Variants in MRTFB observed in about 807,000 individuals in gnomAD.
MRTFB encodes the protein myocardin-related transcription factor B.
In MRTFB, 29 loss-of-function variants were observed where a neutral mutation model predicts 104.2. The ratio of observed to expected loss-of-function variants is 0.28; its 90% CI spans 0.21 to 0.38. The LOEUF is 0.38. Among genes scored for constraint, MRTFB ranks in the 10% least tolerant of loss-of-function variants. The pLI, the probability that MRTFB is intolerant of heterozygous loss-of-function variation, is 1.00. For missense variants in MRTFB, 1,270 were observed against 1,341.6 expected, an observed-to-expected ratio of 0.95 and a Z score of 0.83; for synonymous variants, 535 against 519.5, an observed-to-expected ratio of 1.03 and a Z score of -0.41.
At chr16:14,074,476 A>G (rs1209724992) in intron 1 of MRTFB, among the ~76,000 whole-genome samples, 1 of 152,236 alleles carries the variant, frequency 6.6e-6, no homozygotes, top group Non-Finnish European at 1.5e-5. Flanking sequence ...AATGTTAACT[A>G]GAAAATGAAT....
intron 8 of MRTFB, among the ~76,000 whole-genome samples, chr16:14,221,686 G>T (rs2041714324): frequency 6.6e-6 from 1 of 151,642 alleles, no homozygotes; most frequent in Non-Finnish European, 1.5e-5. Context: ...ATAACTCATT[G>T]TAAGAGTTTG....
At chr16:14,245,358 T>C (rs2042967173) in intron 10 of MRTFB, among the ~76,000 whole-genome samples, 170 bp from the exon 11 acceptor site, 1 of 152,226 alleles carries the variant, frequency 6.6e-6, no homozygotes, top group Non-Finnish European at 1.5e-5. Context: ...AAACAAAACC[T>C]GCAGGGATTT....
At chr16:14,101,270 C>T (rs1228943202) in intron 2 of MRTFB, among the ~76,000 whole-genome samples, 1 of 151,724 alleles carries the variant, frequency 6.6e-6, no homozygotes, top group Non-Finnish European at 1.5e-5. Context: ...AGATATATAG[C>T]CTATGTCCTT....
At chr16:14,003,779 A>T in the MRTFB span, among the ~76,000 whole-genome samples, 1 of 152,122 alleles carries the variant, frequency 6.6e-6, no homozygotes, top group Admixed American at 6.5e-5. Flanking sequence ...GTATGCAGGC[A>T]CCAAACACTG....
chr16:14,122,844 T>TGG (rs1455104418), intron 2 of MRTFB, among the ~76,000 whole-genome samples: 54 of 152,224 alleles, frequency 3.5e-4, no homozygotes, highest in Non-Finnish European at 1.2e-4. Context: ...TTTCTAGTTC[T>TGG]AGATCCTTGA....
chr16:14,201,792 A>C (rs559423700), intron 3 of MRTFB, among the ~76,000 whole-genome samples: 1 of 152,302 alleles, frequency 6.6e-6, no homozygotes, highest in Admixed American at 6.5e-5. Flanking sequence ...TAAATGCCTA[A>C]AAGACATTTT....
At chr16:14,081,748 T>G (rs1208114851) in intron 2 of MRTFB, among the ~76,000 whole-genome samples, 1 of 151,876 alleles carries the variant, frequency 6.6e-6, no homozygotes, top group Non-Finnish European at 1.5e-5. Flanking sequence ...CTCTGCCAAA[T>G]TTTTTGTATT....
intron 8 of MRTFB, among the ~76,000 whole-genome samples, chr16:14,230,097 G>A (rs1355285870): frequency 1.3e-5 from 2 of 152,036 alleles, no homozygotes; most frequent in African/African-American, 4.8e-5. Flanking sequence ...AGCTGAAACT[G>A]GATCCCTTCC....
chr16:14,224,967 A>G (rs1048133641), intron 8 of MRTFB, among the ~76,000 whole-genome samples: 1 of 152,146 alleles, frequency 6.6e-6, no homozygotes, highest in Non-Finnish European at 1.5e-5. Flanking sequence ...CGAGCGGATC[A>G]CCTGAGGTCG....
the MRTFB span, among the ~76,000 whole-genome samples, chr16:14,057,961 CA>C: frequency 1.3e-5 from 2 of 152,232 alleles, no homozygotes; most frequent in African/African-American, 4.8e-5. Flanking sequence ...TTCCCAGAGC[CA>C]GGGGTGGGGG....
At chr16:14,250,572 T>C (rs1420464708) in intron 13 of MRTFB, among the ~76,000 whole-genome samples, 2 of 152,120 alleles carry the variant, frequency 1.3e-5, no homozygotes, top group Non-Finnish European at 2.9e-5. Context: ...AACTGGAAAA[T>C]TGAGTGTGAC....
the MRTFB span, among the ~76,000 whole-genome samples, chr16:13,996,741 T>C: frequency 1.4e-3 from 209 of 152,180 alleles, 1 homozygote; most frequent in East Asian, 4.3e-3. Context: ...ATAGGCCTGG[T>C]TGGGTAGGCA....
intron 3 of MRTFB, among the ~76,000 whole-genome samples, chr16:14,199,141 C>A (rs1173758216): frequency 6.6e-6 from 1 of 152,196 alleles, no homozygotes; most frequent in Non-Finnish European, 1.5e-5. Flanking sequence ...AAAGTAGCTC[C>A]TCCAGGGATT....
chr16:14,100,387 A>G (rs2035634703), intron 2 of MRTFB, among the ~76,000 whole-genome samples: 1 of 152,168 alleles, frequency 6.6e-6, no homozygotes, highest in Admixed American at 6.5e-5. Context: ...TAATTCGTTA[A>G]TAGGGTGAAT....
In MRTFB at chr16:14,249,016, A is replaced by C. The variant is rs371223784; in HGVS notation, c.2338A>C (p.Thr780Pro). 1.9e-6 allele frequency: 3 copies of C among 1,614,152 alleles called. No individual in the cohort carries two copies. Among genetic ancestry groups the C allele is most frequent in the South Asian group, 2.2e-5 (2 of 91,078 alleles). The change falls in exon 13 of 17, where the codon ACT (threonine) becomes CCT (proline). Residue 780 changes from threonine to proline, a missense_variant. Transcript: ENST00000571589. ...TAALASGLAP[T>P]VPQTQDTFPQ... ...TGCCTTGGCCTCAGGCTTGGCCCCA[A>C]CTGTACCTCAGACACAAGACACGTT... is the stretch of plus-strand genomic sequence containing the variant.
At chr16:14,131,933 A>C (rs189767363) in intron 2 of MRTFB, among the ~76,000 whole-genome samples, 2 of 152,164 alleles carry the variant, frequency 1.3e-5, no homozygotes, top group African/African-American at 4.8e-5. Flanking sequence ...TCTTATGTGT[A>C]TACCCAAGAG....
At chr16:14,119,435 G>T (rs541942008) in intron 2 of MRTFB, among the ~76,000 whole-genome samples, 1 of 152,308 alleles carries the variant, frequency 6.6e-6, no homozygotes, top group East Asian at 1.9e-4. Flanking sequence ...AATACATAAG[G>T]AGGCAGGTTT....
intron 10 of MRTFB, among the ~76,000 whole-genome samples, chr16:14,242,534 T>TG (rs1567208436): frequency 6.6e-6 from 1 of 152,184 alleles, no homozygotes; most frequent in Non-Finnish European, 1.5e-5. Context: ...AAACTGAATG[T>TG]GGAAGTCATA....
rs2043591553 is a variant in MRTFB, at chr16:14,258,156, G to A, written c.2759G>A (p.Ser920Asn). The change falls in exon 16 of 17, where the codon AGT (serine) becomes AAT (asparagine). Residue 920 changes from serine (S) to asparagine (N), a missense_variant. Around this residue, in one of 3 missense-constraint regions of MRTFB, gnomAD observed 1,144 missense variants for 1,131.5 expected, o/e 1.01. Transcript: ENST00000571589. ...GACCTCTTTGATATCCTCATTAAGA[G>A]TGGAGGTAAGTCAAAAGTCACATCA... ...MDDLFDILIK[S>N]GEISLPIKEE... 1.2e-6 allele frequency: 2 copies of A among 1,613,614 alleles called. No homozygotes were observed. The highest frequency in any genetic ancestry group is 1.7e-6 in the Non-Finnish European group (2 of 1,179,716).
Sources: gnomAD v4.1 joint callset for allele counts (sites outside exome capture counted in the v4.1 genomes callset) on GRCh38, gnomAD v4.1.1 for gene constraint, gnomAD v4.1.1 regional missense constraint, MANE v1.5 for transcripts, NCBI Gene and HGNC (gene_info 2026-07-23, HGNC 2026-07-21) for gene names.